NOMO1: variants seen among roughly 807,000 people sequenced by gnomAD.
NOMO1 encodes NODAL modulator 1.
NOMO1 carries 40 observed loss-of-function variants against 133.8 expected under a neutral mutation model. That is an observed-to-expected ratio of 0.30 (90% confidence interval 0.23 to 0.39). The LOEUF (loss-of-function observed/expected upper bound fraction) is 0.39, where lower values mean the gene tolerates loss of function less well. Among genes scored for constraint, NOMO1 ranks in the 10% least tolerant of loss-of-function variants. The pLI is 1.00. For synonymous variants in NOMO1, 236 were observed against 570.5 expected (o/e 0.41, Z 8.36); for missense variants, 462 against 1,419.9 (o/e 0.33, Z 10.84).
chr16:14,858,621 A>C (rs1351467652), intron 11 of NOMO1, among the ~76,000 whole-genome samples: 1 of 152,088 alleles, frequency 6.6e-6, no homozygotes, highest in African/African-American at 2.4e-5. Context: ...CTGAAGCAGA[A>C]TATACTGGCA....
chr16:14,880,678 G>GGCC (rs1964230027), intron 24 of NOMO1, among the ~76,000 whole-genome samples: 1 of 152,036 alleles, frequency 6.6e-6, no homozygotes, highest in Non-Finnish European at 1.5e-5. Context: ...CACCGCGCCT[G>GGCC]GCCACTTTTA....
chr16:14,857,745 G>A (rs1309558414), intron 11 of NOMO1, 90 bp downstream of exon 11: 25 of 1,570,854 alleles, frequency 1.6e-5, no homozygotes, highest in East Asian at 4.5e-5. Context: ...TGTCTTTGCC[G>A]AGCTTAAGAA....
chr16:14,875,621 G>C (rs1964148672), intron 20 of NOMO1, among the ~76,000 whole-genome samples, 199 bp downstream of exon 20: 1 of 151,636 alleles, frequency 6.6e-6, no homozygotes, highest in Admixed American at 6.6e-5. Context: ...TGGATGGATG[G>C]ATGGATGGAT....
At chr16:14,893,850 G>A (rs1363638813) in intron 29 of NOMO1, among the ~76,000 whole-genome samples, 1 of 151,928 alleles carries the variant, frequency 6.6e-6, no homozygotes, top group Non-Finnish European at 1.5e-5. Context: ...ATGACATCAG[G>A]GTGCGTAGTC....
rs11643156 is a variant in NOMO1, at chr16:14,856,379, C to T, written c.964-838C>T. ...CACAGACACATGGAGCATGGGACCA[C>T]GTGTGAGCCAGTGATGGTGGTGGAG... is the stretch of plus-strand genomic sequence containing the variant. On this transcript the variant is annotated intron_variant, in intron 9 of 30. Transcript: ENST00000287667. Among the ~76,000 whole-genome samples, 514 of 151,966 alleles carry T rather than the reference C, an allele frequency of 3.4e-3. 4 individuals are homozygous for T. The highest frequency in any genetic ancestry group is 5.3e-3 in the Non-Finnish European group (362 of 67,966).
At position 14,867,176 on chromosome 16, in the gene NOMO1, A is replaced by ATTTTTTTT. The variant is rs1174703237; in HGVS notation, c.1806+507_1806+514dup. Among the ~76,000 whole-genome samples the ATTTTTTTT allele has an allele frequency of 1.6e-3, 12 of 7,476 alleles. 2 individuals carry two copies. The highest frequency in any genetic ancestry group is 0.015 in the East Asian group (6 of 396). The allele number at this position is 7,476 out of a possible 152,430, so 4.9% of individuals were successfully genotyped here. ...TATATATATATATATATATATATAT[A>ATTTTTTTT]TTTTTTTTTTTTTTTTTTTTTTTTT... On this transcript the variant is annotated intron_variant, in intron 15 of 30. Transcript: ENST00000287667.
Position 14,865,148 on chromosome 16 carries a change from A to AACT in NOMO1, c.1662_1663insACT (p.Lys554_Tyr555insThr). On this transcript the variant is annotated inframe_insertion, in exon 14 of 31. Coordinates refer to ENST00000287667, the MANE Select transcript of NOMO1 (RefSeq NM_014287.4). ...CCTTTGACAACGTGCTCCCTGGAAA[A>AACT]TACAAAAGTAAGAATTGGAATGCAA... The AACT allele has an allele frequency of 7.1e-7, 1 of 1,412,364 alleles. No individual in the cohort carries two copies. The highest frequency in any genetic ancestry group is 1.2e-5 in the South Asian group (1 of 86,206). The allele number at this position is 1,412,364 out of a possible 1,614,324, so 87.5% of individuals were successfully genotyped here. A position where few individuals can be genotyped will look rare whatever the true frequency, so the allele number is the denominator to read the frequency against.
intron 27 of NOMO1, 66 bp downstream of exon 27, chr16:14,884,548 A>G (rs1434738035): frequency 6.2e-7 from 1 of 1,608,462 alleles, no homozygotes; most frequent in Non-Finnish European, 8.5e-7. Context: ...TACGAATGGG[A>G]TGTTTTTGGG....
intron 29 of NOMO1, among the ~76,000 whole-genome samples, chr16:14,892,609 TA>T (rs757049459): frequency 0.043 from 4,397 of 102,536 alleles, 94 homozygotes; most frequent in African/African-American, 0.085. Context: ...AAAGTATAAT[TA>T]AAAAAAAAAA....
At chr16:14,888,358 C>T (rs976505941) in intron 28 of NOMO1, 5 of 148,902 alleles carry the variant, frequency 3.4e-5, no homozygotes, top group African/African-American at 1.0e-4. Flanking sequence ...CACACTTCCC[C>T]TGAGTTCAGA....
chr16:14,875,585 A>T (rs1160877340), intron 20 of NOMO1, among the ~76,000 whole-genome samples, 163 bp downstream of exon 20: 660 of 150,674 alleles, frequency 4.4e-3, no homozygotes, highest in Middle Eastern at 0.034. Flanking sequence ...GGATGGATGG[A>T]TGGATGGATG....
intron 15 of NOMO1, among the ~76,000 whole-genome samples, chr16:14,867,176 A>ATATATTTT (rs1465653437): frequency 1.3e-4 from 1 of 7,480 alleles, no homozygotes; most frequent in African/African-American, 2.7e-4. Flanking sequence ...ATATATATAT[A>ATATATTTT]TTTTTTTTTT....
At chr16:14,840,586 C>CA (rs1235855043) in intron 2 of NOMO1, among the ~76,000 whole-genome samples, 430 of 126,634 alleles carry the variant, frequency 3.4e-3, no homozygotes, top group Middle Eastern at 4.0e-3. Context: ...GGCTCCATCT[C>CA]AAAAAAAAAA....
intron 29 of NOMO1, among the ~76,000 whole-genome samples, chr16:14,892,866 C>T (rs1050294232): frequency 1.4e-5 from 2 of 138,442 alleles, no homozygotes; most frequent in African/African-American, 5.1e-5. Context: ...GTTTCCACCT[C>T]GTTCTGCCCT....
intron 27 of NOMO1, among the ~76,000 whole-genome samples, chr16:14,884,917 G>T (rs1029240233): frequency 3.3e-5 from 5 of 152,016 alleles, no homozygotes; most frequent in Admixed American, 6.5e-5. Context: ...AACAAAAGAG[G>T]TTTCATTGGC....
chr16:14,846,784 G>C, intron 5 of NOMO1, 101 bp downstream of exon 5: 2 of 1,587,712 alleles, frequency 1.3e-6, no homozygotes, highest in Non-Finnish European at 1.7e-6. Context: ...TCTGGGTTCA[G>C]ATCCTGATTC....
rs531993395 is a variant in NOMO1, at chr16:14,860,759, AT to A, written c.1221-2251del. Among the ~76,000 whole-genome samples the A allele has an allele frequency of 1.4e-3, 212 of 152,132 alleles. 6 individuals are homozygous for A. Among genetic ancestry groups the A allele is most frequent in the African/African-American group, 4.7e-3 (196 of 41,456 alleles). Reference sequence around the variant, plus strand: ...TTTGGGTCAAAGAAAGAAAAATAGCATTTGTTGAACATTTTTGGAAAAATCT... The same window carrying A: ...TTTGGGTCAAAGAAAGAAAAATAGCATTGTTGAACATTTTTGGAAAAATCT... On this transcript the variant is annotated intron_variant, in intron 11 of 30. Transcript: ENST00000287667.
intron 2 of NOMO1, among the ~76,000 whole-genome samples, chr16:14,840,818 C>T (rs1324911587): frequency 6.9e-6 from 1 of 144,912 alleles, no homozygotes; most frequent in Non-Finnish European, 1.5e-5. Flanking sequence ...CCTGCCACCA[C>T]ACCCAGCTGA....
intron 28 of NOMO1, among the ~76,000 whole-genome samples, chr16:14,887,319 A>T (rs1964340273): frequency 6.7e-6 from 1 of 150,074 alleles, no homozygotes; most frequent in Non-Finnish European, 1.5e-5. Flanking sequence ...TTTGAGACGG[A>T]GTCTCGCCTT....
Sources: allele counts gnomAD v4.1 joint callset (sites outside exome capture counted in the v4.1 genomes callset), GRCh38; gene constraint gnomAD v4.1.1; transcripts MANE v1.5; gene names NCBI Gene and HGNC (gene_info 2026-07-23, HGNC 2026-07-21).